ZNF532: variants seen among roughly 807,000 people sequenced by gnomAD.
ZNF532 encodes zinc finger protein 532.
Under a neutral mutation model 89.3 loss-of-function variants are expected in ZNF532, and 22 were observed. That is an observed-to-expected ratio of 0.25 (90% CI 0.18 to 0.35). The LOEUF (loss-of-function observed/expected upper bound fraction) is 0.35, where lower values mean the gene tolerates loss of function less well. ZNF532 is among the 10% of genes least tolerant of loss of function. The probability of loss-of-function intolerance (pLI) is 1.00; values close to 1 mark genes in which losing one functional copy is unlikely to be tolerated. For synonymous variants in ZNF532, 606 were observed against 649.6 expected (o/e 0.93, Z 1.02); for missense variants, 1,132 against 1,643.4 (o/e 0.69, Z 5.38).
At chr18:58,888,747 A>ATATATGAAT in intron 2 of ZNF532, among the ~76,000 whole-genome samples, 1 of 45,458 alleles carries the variant, frequency 2.2e-5, no homozygotes, top group Non-Finnish European at 3.4e-5. Flanking sequence ...TATATTTTAT[A>ATATATGAAT]TATATATAAA....
chr18:58,908,630 G>A (rs2060091893), intron 2 of ZNF532, among the ~76,000 whole-genome samples: 2 of 152,150 alleles, frequency 1.3e-5, no homozygotes, highest in African/African-American at 4.8e-5. Context: ...GAAGTTGAGG[G>A]ACAAGATGCA....
At chr18:58,949,043 T>C (rs1341439262) in intron 6 of ZNF532, among the ~76,000 whole-genome samples, 3 of 152,120 alleles carry the variant, frequency 2.0e-5, no homozygotes, top group African/African-American at 4.8e-5. Flanking sequence ...TTTTTTTTTT[T>C]CTGTAAAGAT....
chr18:58,984,418 C>G lies in ZNF532; in HGVS notation c.3858C>G (p.His1286Gln). The change falls in exon 10 of 10, where the codon CAC becomes CAG. Residue 1286 changes from histidine to glutamine, a missense_variant. Transcript: ENST00000591808. ...CCTTAAATACTCACATGCGGACACA[C>G]GGCATGGCCTTCATCAAATCCAAAA... ...EAALNTHMRT[H>Q]GMAFIKSKRM... 6.2e-7 allele frequency: 1 copy of G among 1,611,670 alleles called. No homozygotes were observed. Among genetic ancestry groups the G allele is most frequent in the Non-Finnish European group, 8.5e-7 (1 of 1,179,570 alleles).
chr18:58,968,288 C>T (rs1445826263), intron 7 of ZNF532, among the ~76,000 whole-genome samples: 1 of 152,208 alleles, frequency 6.6e-6, no homozygotes, highest in East Asian at 1.9e-4. Flanking sequence ...TATACCAGGA[C>T]TTCCTGGCCA....
At chr18:58,878,237 A>G (rs1032151080) in intron 2 of ZNF532, among the ~76,000 whole-genome samples, 1 of 151,728 alleles carries the variant, frequency 6.6e-6, no homozygotes, top group Non-Finnish European at 1.5e-5. Context: ...CCTGGGCGAC[A>G]GAGCAAGACT....
At position 58,888,724 on chromosome 18, in the gene ZNF532, T is replaced by TATATATAA; in HGVS notation, c.-18+23146_-18+23147insTATATAAA. 5.3e-5 allele frequency among the ~76,000 whole-genome samples: 2 copies of TATATATAA among 37,824 alleles called. 1 individual carries two copies. The highest frequency in any genetic ancestry group is 2.5e-4 in the African/African-American group (2 of 7,846). The allele number at this position is 37,824 out of a possible 152,430, so 24.8% of individuals were successfully genotyped here. ...ATATATATATATATATATATATATA[T>TATATATAA]AAATTATATATATATATTTTATATA... On this transcript the variant is annotated intron_variant, in intron 2 of 9. Coordinates refer to ENST00000591808, the MANE Select transcript of ZNF532 (RefSeq NM_001375912.1).
intron 2 of ZNF532, among the ~76,000 whole-genome samples, chr18:58,889,049 TCCAAA>T (rs2058705010): frequency 1.3e-5 from 2 of 148,676 alleles, no homozygotes; most frequent in African/African-American, 5.0e-5. Context: ...ATTTGAAAGT[TCCAAA>T]TGAGCATTTG....
intron 2 of ZNF532, among the ~76,000 whole-genome samples, chr18:58,901,609 A>G (rs2059605253): frequency 6.6e-6 from 1 of 152,210 alleles, no homozygotes; most frequent in African/African-American, 2.4e-5. Context: ...TGCAAAGTGG[A>G]ATCTGGAACT....
intron 2 of ZNF532, among the ~76,000 whole-genome samples, chr18:58,878,852 G>A (rs950454964): frequency 3.9e-5 from 6 of 152,226 alleles, no homozygotes; most frequent in African/African-American, 1.2e-4. Context: ...AGCTTACTCC[G>A]CATTCTTTTG....
intron 7 of ZNF532, chr18:58,954,339 G>C: frequency 1.2e-6 from 1 of 827,626 alleles, no homozygotes; most frequent in Non-Finnish European, 1.5e-6. Flanking sequence ...TAAATAGTAA[G>C]TATATGTCTC....
chr18:58,914,530 A>G (rs1308732740), intron 2 of ZNF532, among the ~76,000 whole-genome samples: 1 of 152,162 alleles, frequency 6.6e-6, no homozygotes, highest in African/African-American at 2.4e-5. Context: ...AAATACAAAA[A>G]TTAGCCAGAT....
intron 2 of ZNF532, among the ~76,000 whole-genome samples, chr18:58,877,415 G>T (rs1377089400): frequency 3.3e-5 from 5 of 152,204 alleles, no homozygotes; most frequent in Non-Finnish European, 5.9e-5. Context: ...TTATGTAAGA[G>T]ACTGGAGAAT....
At chr18:58,959,260 G>T (rs59814311) in intron 7 of ZNF532, among the ~76,000 whole-genome samples, 17,486 of 125,854 alleles carry the variant, frequency 0.14, 1,827 homozygotes, top group East Asian at 0.52. Flanking sequence ...TTTGTTTTTT[G>T]TTTTTTTTTG....
intron 5 of ZNF532, among the ~76,000 whole-genome samples, chr18:58,942,226 G>A (rs1245951204): frequency 6.6e-6 from 1 of 150,950 alleles, no homozygotes; most frequent in Non-Finnish European, 1.5e-5. Flanking sequence ...GTTTCACCGT[G>A]TTAGCCAGGA....
rs900431062 is a variant in ZNF532 at position 58,919,240 on chromosome 18, A to C, written c.953A>C (p.Gln318Pro). 6.2e-7 allele frequency: 1 copy of C among 1,614,100 alleles called. No homozygotes were observed. ...GCCGCTGACAAGTCTCCTGAATCCC[A>C]GAATCTCATCGACGGGACCAAAAAA... ...PRAADKSPES[Q>P]NLIDGTKKPS... Residue 318 changes from glutamine to proline, a missense_variant, in exon 3 of 10, where the codon CAG becomes CCG. This residue lies in a region of ZNF532 where 124 missense variants were observed against 191.6 expected (regional missense o/e 0.65). Transcript: ENST00000591808. The surrounding 1 kb of genome is among the most constrained non-coding windows in gnomAD (Gnocchi z 6.1).
At chr18:58,925,317 T>C (rs1047592067) in intron 3 of ZNF532, among the ~76,000 whole-genome samples, 3 of 152,244 alleles carry the variant, frequency 2.0e-5, no homozygotes, top group African/African-American at 7.2e-5. Flanking sequence ...TTGATAGATG[T>C]GTGGTATTAT....
At position 58,984,398 on chromosome 18, in the gene ZNF532, A is replaced by G; in HGVS notation, c.3838A>G (p.Asn1280Asp). 1 of 1,612,032 alleles carries G rather than the reference A, an allele frequency of 6.2e-7. No individual in the cohort carries two copies. The highest frequency in any genetic ancestry group is 8.5e-7 in the Non-Finnish European group (1 of 1,179,848). The stretch of plus-strand genomic sequence containing the variant: ...AACTTTTGAAACTGAAGCTGCCTTA[A>G]ATACTCACATGCGGACACACGGCAT... ...AKTFETEAAL[N>D]THMRTHGMAF... The change falls in exon 10 of 10, where the codon AAT becomes GAT. Residue 1280 changes from asparagine to aspartate, a missense_variant. By Grantham distance (23) the Asn-to-Asp change is conservative. Transcript: ENST00000591808.
At chr18:58,963,603 ATGTG>A (rs60644289) in intron 7 of ZNF532, among the ~76,000 whole-genome samples, 23,615 of 143,600 alleles carry the variant, frequency 0.16, 2,238 homozygotes, top group East Asian at 0.4. Context: ...AAAGAAAAAA[ATGTG>A]TGTGTGTGTG....
chr18:58,965,048 A>G (rs1250461503), intron 7 of ZNF532, among the ~76,000 whole-genome samples: 2 of 147,958 alleles, frequency 1.4e-5, no homozygotes, highest in Non-Finnish European at 3.0e-5. Flanking sequence ...TTTATATTTT[A>G]TTAGTTTATT....
Sources: allele counts gnomAD v4.1 joint callset (sites outside exome capture counted in the v4.1 genomes callset), GRCh38; gene constraint gnomAD v4.1.1; regional missense constraint gnomAD v4.1.1; non-coding constraint Gnocchi (gnomAD v3.1); transcripts MANE v1.5; gene names NCBI Gene and HGNC (gene_info 2026-07-23, HGNC 2026-07-21).